The following CHEK1 variants were observed in gnomAD, a reference collection of about 807,000 sequenced individuals.
CHEK1 encodes the protein serine/threonine-protein kinase Chk1.
CHEK1 carries 32 observed loss-of-function variants against 60.2 expected under a neutral mutation model. The ratio of observed to expected loss-of-function variants is 0.53; its 90% CI spans 0.40 to 0.71. The LOEUF (loss-of-function observed/expected upper bound fraction) is 0.71, where lower values mean the gene tolerates loss of function less well. Ranked by LOEUF, CHEK1 falls within the 30% of genes least tolerant of loss-of-function variation. The pLI is 0.00. For missense variants in CHEK1, 399 were observed against 564.6 expected, an observed-to-expected ratio of 0.71 and a Z score of 2.97; for synonymous variants, 179 against 187.2, an observed-to-expected ratio of 0.96 and a Z score of 0.36.
intron 11 of CHEK1, among the ~76,000 whole-genome samples, chr11:125,650,554 T>C (rs1305483649): frequency 1.3e-5 from 2 of 150,996 alleles, no homozygotes; most frequent in Admixed American, 1.3e-4. Context: ...CCTCCTGGCT[T>C]CAAGTGAGTC....
intron 13 of CHEK1, among the ~76,000 whole-genome samples, chr11:125,664,500 A>T (rs2136081246): frequency 6.6e-6 from 1 of 152,018 alleles, no homozygotes; most frequent in African/African-American, 2.4e-5. Context: ...CTCCCCAAGT[A>T]CTGGGATTAC....
rs144047942 is a variant in CHEK1 at position 125,656,265 on chromosome 11, C to T, written c.*945C>T. 4.2e-5 allele frequency: 9 copies of T among 216,508 alleles called. No individual in the cohort carries two copies. Among genetic ancestry groups the T allele is most frequent in the African/African-American group, 1.3e-4 (6 of 44,490 alleles). 13.4% of individuals were successfully genotyped at this position (216,508 alleles called of 1,614,324 possible). ...ACTTAGGAGGCTGAGAGAGGAGGATCGCGTGAACCTGGAAGTTTGAGGCTG... is the reference window on the plus strand; with the variant it reads ...ACTTAGGAGGCTGAGAGAGGAGGATTGCGTGAACCTGGAAGTTTGAGGCTG... On this transcript the variant is annotated 3_prime_UTR_variant, in exon 13 of 13. Transcript: ENST00000438015.
At chr11:125,626,884 T>C in intron 2 of CHEK1, 51 bp downstream of exon 2, 1 of 1,574,122 alleles carries the variant, frequency 6.4e-7, no homozygotes, top group African/African-American at 1.3e-5. Flanking sequence ...TTCATTGTTT[T>C]GGAGTCTCAC....
intron 13 of CHEK1, among the ~76,000 whole-genome samples, chr11:125,664,172 C>T (rs1450715069): frequency 6.6e-6 from 1 of 151,414 alleles, no homozygotes; most frequent in African/African-American, 2.4e-5. Flanking sequence ...GGAGAGATAT[C>T]TCAATGTGGT....
chr11:125,640,523 C>CAA (rs1357597445), intron 8 of CHEK1, among the ~76,000 whole-genome samples: 1 of 146,106 alleles, frequency 6.8e-6, no homozygotes, highest in Non-Finnish European at 1.5e-5. Context: ...GCCTGGGCAA[C>CAA]AGCGAGACTC....
At chr11:125,633,882 A>G (rs1940960124) in intron 6 of CHEK1, among the ~76,000 whole-genome samples, 1 of 151,830 alleles carries the variant, frequency 6.6e-6, no homozygotes, top group Non-Finnish European at 1.5e-5. Context: ...ATATGAGATT[A>G]GGGGTGCCAA....
chr11:125,659,232 A>T (rs1024499360), downstream of CHEK1, among the ~76,000 whole-genome samples: 2 of 152,056 alleles, frequency 1.3e-5, no homozygotes, highest in African/African-American at 2.4e-5. Context: ...ATAATAATCG[A>T]TTGATGTCTT....
intron 11 of CHEK1, among the ~76,000 whole-genome samples, chr11:125,652,611 A>G (rs1339406369): frequency 6.6e-6 from 1 of 152,164 alleles, no homozygotes; most frequent in Non-Finnish European, 1.5e-5. Flanking sequence ...ACACATACCC[A>G]CTGGGAGAAG....
intron 4 of CHEK1, 37 bp from the exon 5 acceptor site, chr11:125,629,354 C>G: frequency 6.2e-7 from 1 of 1,611,730 alleles, no homozygotes; most frequent in Non-Finnish European, 8.5e-7. Flanking sequence ...CATTACATTA[C>G]CAAATTCTAG....
chr11:125,680,185 G>T (rs542055028), downstream of CHEK1, among the ~76,000 whole-genome samples: 2 of 152,206 alleles, frequency 1.3e-5, no homozygotes, highest in Non-Finnish European at 2.9e-5. Flanking sequence ...TCTTTCTGCT[G>T]TAGGAGGCAG....
At chr11:125,662,234 AGT>A in intron 13 of CHEK1, among the ~76,000 whole-genome samples, 1 of 152,330 alleles carries the variant, frequency 6.6e-6, no homozygotes, top group East Asian at 1.9e-4. Flanking sequence ...CAGCAGATTC[AGT>A]GTCTGGTGAG....
chr11:125,633,394 G>C (rs768228306), intron 6 of CHEK1, 43 bp downstream of exon 6: 1 of 1,417,992 alleles, frequency 7.1e-7, no homozygotes, highest in South Asian at 1.6e-5. Context: ...TAAAAAGTCA[G>C]ATTAGTTATA....
In CHEK1 at chr11:125,653,097, C is replaced by CAT. The variant is rs1941793713; in HGVS notation, c.1234-647_1234-646dup. On this transcript the variant is annotated intron_variant, in intron 11 of 12. Coordinates refer to ENST00000438015, the MANE Select transcript of CHEK1 (RefSeq NM_001114122.3). This position sits in a 1 kb window ranked among gnomAD's most constrained non-coding sequence, Gnocchi z 4.3. ...TCTGTTCCTGGCTTATTTCACTTTA[C>CAT]ATAATGTCCTCCAGTTCCACCCATG... Among the ~76,000 whole-genome samples the CAT allele has an allele frequency of 6.6e-6, 1 of 152,200 alleles. No homozygotes were observed. Among genetic ancestry groups the CAT allele is most frequent in the Admixed American group, 6.5e-5 (1 of 15,274 alleles).
chr11:125,637,544 G>T lies in CHEK1; in HGVS notation c.814G>T (p.Gly272Trp), dbSNP rs1475833328. 6.3e-7 allele frequency: 1 copy of T among 1,595,298 alleles called. No individual in the cohort carries two copies. Among genetic ancestry groups the T allele is most frequent in the Non-Finnish European group, 8.6e-7 (1 of 1,169,380 alleles). ...DRWYNKPLKK[G>W]AKRPRVTSGG... ...ATGGTACAACAAACCCCTCAAGAAA[G>T]GTAATATCCTTAAACTACAAGTTTG... Residue 272 changes from glycine to tryptophan, a missense_variant and splice_region_variant, in exon 8 of 13, where the codon GGG (glycine) becomes TGG (tryptophan). Physicochemically the swap from Gly to Trp is radical, Grantham distance 184. This residue lies in a region of CHEK1 where 370 missense variants were observed against 494.8 expected (regional missense o/e 0.75). Coordinates refer to ENST00000438015, the MANE Select transcript of CHEK1 (RefSeq NM_001114122.3).
In CHEK1 at chr11:125,637,469, G is replaced by T; in HGVS notation, c.739G>T (p.Val247Phe). ...APLALLHKIL[V>F]ENPSARITIP... ...TTTAGCTCTGCTGCATAAAATCTTA[G>T]TTGAGAATCCATCAGCAAGAATTAC... The change falls in exon 8 of 13, where the codon GTT becomes TTT. Residue 247 changes from valine (V) to phenylalanine (F), a missense_variant. Physicochemically the swap from Val to Phe is conservative, Grantham distance 50. Coordinates refer to ENST00000438015, the MANE Select transcript of CHEK1 (RefSeq NM_001114122.3). The T allele has an allele frequency of 6.2e-7, 1 of 1,606,858 alleles. No individual in the cohort carries two copies. The highest frequency in any genetic ancestry group is 8.5e-7 in the Non-Finnish European group (1 of 1,176,274).
downstream of CHEK1, among the ~76,000 whole-genome samples, chr11:125,658,767 G>A (rs1270833462): frequency 7.3e-6 from 1 of 136,174 alleles, no homozygotes; most frequent in Admixed American, 8.5e-5. Flanking sequence ...ACAGCTCACT[G>A]CAGCCTCAGC....
chr11:125,672,807 T>G, intron 13 of CHEK1: 1 of 1,505,724 alleles, frequency 6.6e-7, no homozygotes, highest in African/African-American at 1.4e-5. Flanking sequence ...CCATGCAGGA[T>G]GGTCAAGACC....
chr11:125,625,896 C>A lies in CHEK1; in HGVS notation c.-137C>A, dbSNP rs937181171. The stretch of plus-strand genomic sequence containing the variant: ...TTCAGAGGGGCAGGACACGGGAACG[C>A]GCGCTGTCTTGCTTTACGGCGCGGG... On this transcript the variant is annotated 5_prime_UTR_variant, in exon 1 of 13. Coordinates refer to ENST00000438015, the MANE Select transcript of CHEK1 (RefSeq NM_001114122.3). 18 of 702,680 alleles carry A rather than the reference C, an allele frequency of 2.6e-5. 1 individual carries two copies. In the African/African-American group the frequency reaches 3.0e-4, roughly 12 times the overall value. 43.5% of individuals were successfully genotyped at this position (702,680 alleles called of 1,614,324 possible).
At chr11:125,629,185 T>G (rs1277334884) in intron 3 of CHEK1, 47 bp from the exon 4 acceptor site, 1 of 1,571,608 alleles carries the variant, frequency 6.4e-7, no homozygotes, top group South Asian at 1.1e-5. Flanking sequence ...ATGTGGTTGC[T>G]ACCTGATTAT....
Sources: gnomAD v4.1 joint callset for allele counts (sites outside exome capture counted in the v4.1 genomes callset) on GRCh38, gnomAD v4.1.1 for gene constraint, gnomAD v4.1.1 regional missense constraint, Gnocchi (gnomAD v3.1) non-coding constraint, MANE v1.5 for transcripts, NCBI Gene and HGNC (gene_info 2026-07-23, HGNC 2026-07-21) for gene names.